CNBD1: variants seen among roughly 807,000 people sequenced by gnomAD.
The protein encoded by CNBD1 is cyclic nucleotide-binding domain-containing protein 1.
A neutral mutation model predicts 54.4 loss-of-function variants in CNBD1; 71 were observed. The ratio of observed to expected loss-of-function variants is 1.30; its 90% CI spans 1.08 to 1.59. The LOEUF (loss-of-function observed/expected upper bound fraction) is 1.59, where lower values mean the gene tolerates loss of function less well. Among genes scored for constraint, CNBD1 ranks in the 40% most tolerant of loss-of-function variants. CNBD1 has a pLI of 0.00. For missense variants in CNBD1, 659 were observed against 518.0 expected (o/e 1.27, Z -2.64); for synonymous variants, 182 against 170.7 (o/e 1.07, Z -0.51).
chr8:86,936,326 ACTC>A (rs1563828441), intron 3 of CNBD1, among the ~76,000 whole-genome samples: 1 of 152,080 alleles, frequency 6.6e-6, no homozygotes, highest in Non-Finnish European at 1.5e-5. Context: ...AAAATTAAAA[ACTC>A]CTAATTACAT....
intron 6 of CNBD1, among the ~76,000 whole-genome samples, chr8:87,238,980 C>T (rs1330597538): frequency 6.6e-6 from 1 of 151,970 alleles, no homozygotes; most frequent in East Asian, 1.9e-4. Context: ...CAGTACATTC[C>T]CTTCTACTAG....
intron 10 of CNBD1, among the ~76,000 whole-genome samples, chr8:87,370,797 T>A (rs2130947655): frequency 6.7e-6 from 1 of 149,912 alleles, no homozygotes; most frequent in South Asian, 2.1e-4. Flanking sequence ...CATGAAGTCC[T>A]TGCCCATGCC....
chr8:87,211,231 A>G (rs192973383), intron 5 of CNBD1, among the ~76,000 whole-genome samples: 2 of 152,260 alleles, frequency 1.3e-5, no homozygotes, highest in Admixed American at 1.3e-4. Flanking sequence ...CTGTTTCCCC[A>G]TTGTATCTTG....
intron 2 of CNBD1, among the ~76,000 whole-genome samples, chr8:87,412,498 C>G (rs1807762784): frequency 6.6e-6 from 1 of 152,042 alleles, no homozygotes; most frequent in Non-Finnish European, 1.5e-5. Context: ...AAGACACTCA[C>G]CCACATGGTC....
chr8:87,352,810 C>G (rs1159433140), intron 9 of CNBD1, among the ~76,000 whole-genome samples: 1 of 152,160 alleles, frequency 6.6e-6, no homozygotes, highest in Non-Finnish European at 1.5e-5. Context: ...AATATCTAAA[C>G]TAACTTGAAT....
chr8:86,993,212 G>A (rs1453520911), intron 4 of CNBD1, among the ~76,000 whole-genome samples: 1 of 151,582 alleles, frequency 6.6e-6, no homozygotes, highest in Non-Finnish European at 1.5e-5. Context: ...CAGTCTTCAA[G>A]CTCTCAGATT....
At chr8:87,314,199 A>G (rs1809333501) in intron 8 of CNBD1, among the ~76,000 whole-genome samples, 1 of 152,000 alleles carries the variant, frequency 6.6e-6, no homozygotes, top group African/African-American at 2.4e-5. Context: ...GTGAATATCA[A>G]TATAAAAATC....
At chr8:87,387,358 C>A (rs1811210426), downstream of CNBD1, among the ~76,000 whole-genome samples, 1 of 151,938 alleles carries the variant, frequency 6.6e-6, no homozygotes, top group Admixed American at 6.6e-5. Context: ...ATTCAGGAAA[C>A]CCATCTCACG....
intron 5 of CNBD1, among the ~76,000 whole-genome samples, chr8:87,225,722 T>C (rs909039153): frequency 1.1e-4 from 16 of 151,676 alleles, no homozygotes; most frequent in South Asian, 4.2e-4. Context: ...GTGTCTCTGC[T>C]CGGCTTTGGT....
chr8:87,338,846 C>A (rs547628162), intron 8 of CNBD1, among the ~76,000 whole-genome samples: 1 of 152,178 alleles, frequency 6.6e-6, no homozygotes, highest in East Asian at 1.9e-4. Context: ...GAAGACACTA[C>A]TATAAATAGA....
intron 4 of CNBD1, among the ~76,000 whole-genome samples, chr8:87,188,166 G>A (rs564487808): frequency 6.6e-6 from 1 of 152,210 alleles, no homozygotes; most frequent in East Asian, 1.9e-4. Flanking sequence ...TTCTTCAGAT[G>A]TCAGTTCATA....
At chr8:87,087,713 G>A (rs955472823) in intron 4 of CNBD1, among the ~76,000 whole-genome samples, 9 of 151,886 alleles carry the variant, frequency 5.9e-5, no homozygotes, top group African/African-American at 2.2e-4. Flanking sequence ...TGATCCGCCC[G>A]CCTCGGCCTC....
At chr8:87,135,524 A>T (rs1045299873) in intron 4 of CNBD1, among the ~76,000 whole-genome samples, 1 of 150,302 alleles carries the variant, frequency 6.7e-6, no homozygotes, top group African/African-American at 2.4e-5. Context: ...ATAAAGCAAT[A>T]CATTTAAGGG....
At chr8:86,978,239 T>C (rs1808386985) in intron 4 of CNBD1, among the ~76,000 whole-genome samples, 2 of 152,180 alleles carry the variant, frequency 1.3e-5, no homozygotes, top group African/African-American at 4.8e-5. Context: ...TTCAAACCAT[T>C]AATCTCGTTT....
At chr8:87,177,198 T>C (rs985783873) in intron 4 of CNBD1, among the ~76,000 whole-genome samples, 7 of 152,248 alleles carry the variant, frequency 4.6e-5, no homozygotes, top group Admixed American at 1.3e-4. Flanking sequence ...TTGGAGCAAA[T>C]AGAGAAAATT....
intron 6 of CNBD1, among the ~76,000 whole-genome samples, chr8:87,275,733 C>T (rs1378055269): frequency 6.6e-6 from 1 of 151,464 alleles, no homozygotes; most frequent in East Asian, 1.9e-4. Flanking sequence ...GGCAATTAGG[C>T]AGGAGAAGGA....
intron 3 of CNBD1, among the ~76,000 whole-genome samples, chr8:86,929,884 A>G (rs552850998): frequency 1.3e-5 from 2 of 152,308 alleles, no homozygotes; most frequent in African/African-American, 4.8e-5. Context: ...TTACTTAGGT[A>G]TGCAACTGGC....
At chr8:87,226,975 A>G (rs1242892015) in intron 5 of CNBD1, among the ~76,000 whole-genome samples, 1 of 151,492 alleles carries the variant, frequency 6.6e-6, no homozygotes, top group Non-Finnish European at 1.5e-5. Flanking sequence ...TGTTGAATTG[A>G]TCCCTTTACC....
At chr8:87,274,847 G>T (rs1209778020) in intron 6 of CNBD1, among the ~76,000 whole-genome samples, 1 of 134,690 alleles carries the variant, frequency 7.4e-6, no homozygotes, top group African/African-American at 3.0e-5. Flanking sequence ...CCTTGCCCAT[G>T]CCTATGTCCT....
Sources: gnomAD v4.1 joint callset for allele counts (sites outside exome capture counted in the v4.1 genomes callset) on GRCh38, gnomAD v4.1.1 for gene constraint, MANE v1.5 for transcripts, NCBI Gene and HGNC (gene_info 2026-07-23, HGNC 2026-07-21) for gene names.